PRKAR1B: variants seen among roughly 807,000 people sequenced by gnomAD.
PRKAR1B encodes the protein cAMP-dependent protein kinase type I-beta regulatory subunit.
PRKAR1B carries 22 observed loss-of-function variants against 46.5 expected under a neutral mutation model. The ratio of observed to expected loss-of-function variants is 0.47; its 90% CI spans 0.34 to 0.68. The LOEUF is 0.68. Ranked by LOEUF, PRKAR1B falls within the 30% of genes least tolerant of loss-of-function variation. The pLI, the probability that PRKAR1B is intolerant of heterozygous loss-of-function variation, is 0.01. For missense variants in PRKAR1B, 445 were observed against 535.6 expected, an observed-to-expected ratio of 0.83 and a Z score of 1.67; for synonymous variants, 259 against 217.7, an observed-to-expected ratio of 1.19 and a Z score of -1.67.
Position 617,657 on chromosome 7 carries a change from G to A in PRKAR1B, c.441-10205C>T, listed in dbSNP as rs561730523. 2.6e-5 allele frequency among the ~76,000 whole-genome samples: 4 copies of A among 152,230 alleles called. 1 individual carries two copies. The highest frequency in any genetic ancestry group is 7.2e-5 in the African/African-American group (3 of 41,554). ...GTCCTTGTCACCGACTGTCACCCTG[G>A]TCCATTCCAGATACTCTCCCGGCCC... On this transcript the variant is annotated intron_variant, in intron 4 of 10. Transcript: ENST00000537384.
chr7:568,007 A>T (rs898992508), intron 9 of PRKAR1B, among the ~76,000 whole-genome samples: 1 of 152,238 alleles, frequency 6.6e-6, no homozygotes, highest in Non-Finnish European at 1.5e-5. Flanking sequence ...CTGTACACCT[A>T]GAAATGGTCA....
At chr7:725,227 A>G (rs1423339701) in intron 1 of PRKAR1B, among the ~76,000 whole-genome samples, 2 of 152,064 alleles carry the variant, frequency 1.3e-5, no homozygotes, top group Admixed American at 6.6e-5. Context: ...AAAAAAAAAA[A>G]AAGACGTACC....
At chr7:702,148 T>C (rs1266953232) in intron 2 of PRKAR1B, among the ~76,000 whole-genome samples, 1 of 152,200 alleles carries the variant, frequency 6.6e-6, no homozygotes, top group Admixed American at 6.5e-5. Flanking sequence ...TATGTTTTAC[T>C]TGAAATGGTA....
At chr7:695,664 G>GT (rs1453668625) in intron 2 of PRKAR1B, among the ~76,000 whole-genome samples, 1 of 149,914 alleles carries the variant, frequency 6.7e-6, no homozygotes, top group Non-Finnish European at 1.5e-5. Flanking sequence ...TGTTTTTTTT[G>GT]TTTTTTGTTT....
chr7:726,716 G>A (rs1347721881), intron 1 of PRKAR1B: 111 of 1,239,248 alleles, frequency 9.0e-5, no homozygotes, highest in Non-Finnish European at 1.1e-4. Flanking sequence ...GGCGACGCGG[G>A]CAAGATGGCG....
chr7:723,452 A>C (rs6971786), intron 1 of PRKAR1B, among the ~76,000 whole-genome samples: 29,708 of 152,106 alleles, frequency 0.2, 3,240 homozygotes, highest in East Asian at 0.4. Flanking sequence ...CCACCTTGCT[A>C]TTCCTCCAGT....
intron 4 of PRKAR1B, among the ~76,000 whole-genome samples, chr7:616,991 CTTT>C (rs71016889): frequency 1.7e-5 from 2 of 114,586 alleles, no homozygotes; most frequent in Non-Finnish European, 1.7e-5. Flanking sequence ...CACCCAAGTG[CTTT>C]TTTTTTTTTT....
At position 560,389 on chromosome 7, in the gene PRKAR1B, T is replaced by TAATAATAATAATAATAAA. The variant is rs917607162; in HGVS notation, c.892-8920_892-8919insTTTATTATTATTATTATT. Among the ~76,000 whole-genome samples, 32 of 146,220 alleles carry TAATAATAATAATAATAAA rather than the reference T, an allele frequency of 2.2e-4. No individual in the cohort carries two copies. The highest frequency in any genetic ancestry group is 7.7e-4 in the African/African-American group (30 of 38,972). ...ATAATAATAATAATAATAATAATAA[T>TAATAATAATAATAATAAA]AAATATATTTTAAAAGAAACTTTGT... is the stretch of plus-strand genomic sequence containing the variant. On this transcript the variant is annotated intron_variant, in intron 9 of 10. Coordinates refer to ENST00000537384, the MANE Select transcript of PRKAR1B (RefSeq NM_001164760.2). This position sits in a 1 kb window ranked among gnomAD's most constrained non-coding sequence, Gnocchi z 4.2.
At chr7:656,266 G>A (rs556827027) in intron 4 of PRKAR1B, among the ~76,000 whole-genome samples, 25 of 150,978 alleles carry the variant, frequency 1.7e-4, no homozygotes, top group African/African-American at 6.0e-4. Context: ...GGATGGGTGG[G>A]TGAATGCATG....
chr7:556,720 A>G (rs1428979953), intron 9 of PRKAR1B, among the ~76,000 whole-genome samples: 1 of 151,704 alleles, frequency 6.6e-6, no homozygotes, highest in African/African-American at 2.4e-5. Context: ...TTCCCCACGC[A>G]CCTCCGGCAC....
intron 2 of PRKAR1B, among the ~76,000 whole-genome samples, chr7:706,747 C>T (rs1780352556): frequency 6.6e-6 from 1 of 152,136 alleles, no homozygotes; most frequent in African/African-American, 2.4e-5. Context: ...ATTTTATCTG[C>T]TTAAGTCTCC....
At chr7:647,535 G>A (rs193231416) in intron 4 of PRKAR1B, among the ~76,000 whole-genome samples, 12 of 152,152 alleles carry the variant, frequency 7.9e-5, no homozygotes, top group African/African-American at 2.7e-4. Context: ...GGCCAGGCGC[G>A]GTGGCTCATG....
chr7:622,692 C>G (rs549284398), intron 4 of PRKAR1B, among the ~76,000 whole-genome samples: 2 of 152,142 alleles, frequency 1.3e-5, no homozygotes, highest in African/African-American at 4.8e-5. Flanking sequence ...AACAGTAGGT[C>G]TGCAGAGAAT....
chr7:701,268 A>AAAAG (rs546452344), intron 2 of PRKAR1B, among the ~76,000 whole-genome samples: 10 of 111,640 alleles, frequency 9.0e-5, no homozygotes, highest in Non-Finnish European at 1.9e-4. Context: ...AAAGAAGGAA[A>AAAAG]AAAGAAAGAA....
chr7:569,161 C>T (rs992238760), intron 9 of PRKAR1B, among the ~76,000 whole-genome samples: 1 of 152,096 alleles, frequency 6.6e-6, no homozygotes, highest in South Asian at 2.1e-4. Flanking sequence ...GACGCCTCGG[C>T]GTCCCTGTCT....
Position 579,323 on chromosome 7 carries a change from T to C in PRKAR1B, c.824A>G (p.Gln275Arg), listed in dbSNP as rs1474938425. 9 of 1,614,180 alleles carry C rather than the reference T, an allele frequency of 5.6e-6. No individual in the cohort carries two copies. The highest frequency in any genetic ancestry group is 7.6e-6 in the Non-Finnish European group (9 of 1,180,026). ...LTVADALEPVQFEDGEKIVVQ... is the reference protein window; with the variant it reads ...LTVADALEPVRFEDGEKIVVQ... ...CACAATTTTCTCTCCATCTTCAAAC[T>C]GGACGGGCTCCAGCGCATCCGCCAC... Residue 275 changes from glutamine (Q) to arginine (R), a missense_variant, in exon 9 of 11, where the codon CAG becomes CGG. By Grantham distance (43) the Gln-to-Arg change is conservative. Around this residue, in one of 5 missense-constraint regions of PRKAR1B, gnomAD observed 51 missense variants for 85.1 expected, o/e 0.60. Coordinates refer to ENST00000537384, the MANE Select transcript of PRKAR1B (RefSeq NM_001164760.2).
chr7:602,377 G>C lies in PRKAR1B; in HGVS notation c.549+3816C>G, dbSNP rs573147341. ...CGAGGGGTGGGTGGGGATTCTGCGAGGATGAGGAGGAGGAGGAGGAGGTCC... is the reference window on the plus strand; with the variant it reads ...CGAGGGGTGGGTGGGGATTCTGCGACGATGAGGAGGAGGAGGAGGAGGTCC... On this transcript the variant is annotated intron_variant, in intron 6 of 10. Coordinates refer to ENST00000537384, the MANE Select transcript of PRKAR1B (RefSeq NM_001164760.2). This position sits in a 1 kb window ranked among gnomAD's most constrained non-coding sequence, Gnocchi z 6.4. Among the ~76,000 whole-genome samples, 55 of 152,308 alleles carry C rather than the reference G, an allele frequency of 3.6e-4. No individual in the cohort carries two copies. The East Asian group carries it at 0.01, about 28-fold the overall frequency.
chr7:623,211 C>T (rs2128474727), intron 4 of PRKAR1B, among the ~76,000 whole-genome samples: 1 of 152,344 alleles, frequency 6.6e-6, no homozygotes, highest in Non-Finnish European at 1.5e-5. Flanking sequence ...AGCAATAACT[C>T]AGTCCTGGCA....
chr7:626,866 G>A (rs1783429753), intron 4 of PRKAR1B, among the ~76,000 whole-genome samples: 1 of 151,778 alleles, frequency 6.6e-6, no homozygotes, highest in South Asian at 2.1e-4. Context: ...ACAGCACCAT[G>A]CTCAGCTAAT....
Sources: gnomAD v4.1 joint callset for allele counts (sites outside exome capture counted in the v4.1 genomes callset) on GRCh38, gnomAD v4.1.1 for gene constraint, gnomAD v4.1.1 regional missense constraint, Gnocchi (gnomAD v3.1) non-coding constraint, MANE v1.5 for transcripts, NCBI Gene and HGNC (gene_info 2026-07-23, HGNC 2026-07-21) for gene names.